CDH13: variants seen among roughly 807,000 people sequenced by gnomAD.
The protein encoded by CDH13 is cadherin-13.
Under a neutral mutation model 63.8 loss-of-function variants are expected in CDH13, and 24 were observed. The ratio of observed to expected loss-of-function variants is 0.38; its 90% CI spans 0.27 to 0.53. The LOEUF (loss-of-function observed/expected upper bound fraction) is 0.53, where lower values mean the gene tolerates loss of function less well. CDH13 is among the 20% of genes least tolerant of loss of function. CDH13 has a pLI of 0.85. For synonymous variants in CDH13, 503 were observed against 355.3 expected, an observed-to-expected ratio of 1.42 and a Z score of -4.67; for missense variants, 1,049 against 903.1, an observed-to-expected ratio of 1.16 and a Z score of -2.07.
chr16:82,995,453 G>A (rs771606720), intron 2 of CDH13, among the ~76,000 whole-genome samples: 9 of 152,110 alleles, frequency 5.9e-5, no homozygotes, highest in Admixed American at 1.3e-4. Flanking sequence ...CAGCTGAAAC[G>A]CAAACGTGGT....
At chr16:83,365,330 C>A (rs905241611) in intron 6 of CDH13, among the ~76,000 whole-genome samples, 6 of 152,266 alleles carry the variant, frequency 3.9e-5, no homozygotes, top group East Asian at 3.9e-4. Context: ...TGTTCAGACC[C>A]GTAAGTGAGT....
intron 10 of CDH13, among the ~76,000 whole-genome samples, chr16:83,698,029 C>T (rs1257285818): frequency 6.6e-6 from 1 of 152,236 alleles, no homozygotes; most frequent in African/African-American, 2.4e-5. Context: ...CTACCTGTCT[C>T]CCCACACTAA....
intron 5 of CDH13, among the ~76,000 whole-genome samples, chr16:83,249,563 A>G (rs949942799): frequency 2.6e-5 from 4 of 152,234 alleles, no homozygotes; most frequent in African/African-American, 4.8e-5. Flanking sequence ...CCATCATTCT[A>G]TCTGTTTTAC....
At chr16:82,876,412 C>A (rs547784548) in intron 2 of CDH13, among the ~76,000 whole-genome samples, 3 of 152,180 alleles carry the variant, frequency 2.0e-5, no homozygotes, top group African/African-American at 7.2e-5. Flanking sequence ...AAAGAACATG[C>A]AACCCACATT....
chr16:83,629,570 T>A (rs1910602835), intron 8 of CDH13, among the ~76,000 whole-genome samples: 1 of 152,234 alleles, frequency 6.6e-6, no homozygotes, highest in Non-Finnish European at 1.5e-5. Context: ...CAAGCCATCA[T>A]CTAAATTCAT....
At chr16:83,432,862 TG>T (rs1414111482) in intron 6 of CDH13, among the ~76,000 whole-genome samples, 1 of 152,192 alleles carries the variant, frequency 6.6e-6, no homozygotes, top group African/African-American at 2.4e-5. Context: ...ACCATAAATG[TG>T]TAGTGTTCAA....
At position 83,288,009 on chromosome 16, in the gene CDH13, G is replaced by A. The variant is rs79500872; in HGVS notation, c.637-56853G>A. On this transcript the variant is annotated intron_variant, in intron 5 of 13. Coordinates refer to ENST00000567109, the MANE Select transcript of CDH13 (RefSeq NM_001257.5). Reference sequence around the variant, plus strand: ...GGCATCAGTATTACTGATTTCTTTCGTTTGACTCAGGCTCCAGTACAGCTT... The same window carrying A: ...GGCATCAGTATTACTGATTTCTTTCATTTGACTCAGGCTCCAGTACAGCTT... 5.3e-3 allele frequency among the ~76,000 whole-genome samples: 800 copies of A among 152,242 alleles called. 10 individuals are homozygous for A. Among genetic ancestry groups the A allele is most frequent in the African/African-American group, 0.018 (756 of 41,534 alleles).
At chr16:83,122,474 C>T (rs531398351) in intron 3 of CDH13, among the ~76,000 whole-genome samples, 1 of 152,212 alleles carries the variant, frequency 6.6e-6, no homozygotes, top group Non-Finnish European at 1.5e-5. Context: ...ACTCCAATAA[C>T]TGAACTTGTG....
At chr16:82,680,906 C>G (rs998373331) in intron 1 of CDH13, among the ~76,000 whole-genome samples, 28 of 152,198 alleles carry the variant, frequency 1.8e-4, no homozygotes, top group African/African-American at 6.5e-4. Context: ...ACACCTTAAA[C>G]TCACTTGCTC....
chr16:83,058,048 A>G (rs994493299), intron 3 of CDH13, among the ~76,000 whole-genome samples: 1 of 152,254 alleles, frequency 6.6e-6, no homozygotes, highest in African/African-American at 2.4e-5. Flanking sequence ...CAAAAGTAAG[A>G]ATATTTACTT....
intron 5 of CDH13, among the ~76,000 whole-genome samples, chr16:83,249,955 A>G (rs1423879856): frequency 6.6e-6 from 1 of 152,240 alleles, no homozygotes; most frequent in African/African-American, 2.4e-5. Flanking sequence ...TTTGACTAAC[A>G]ATCTCCCCAA....
intron 4 of CDH13, among the ~76,000 whole-genome samples, chr16:83,197,066 C>T (rs995392206): frequency 2.6e-5 from 4 of 152,246 alleles, no homozygotes; most frequent in South Asian, 2.1e-4. Flanking sequence ...AATGGTTAAA[C>T]AAACTGTGGT....
chr16:83,262,583 C>G (rs1431566831), intron 5 of CDH13, among the ~76,000 whole-genome samples: 2 of 152,108 alleles, frequency 1.3e-5, no homozygotes, highest in East Asian at 1.9e-4. Flanking sequence ...AGAGAATGTT[C>G]TCATTGGAGT....
intron 7 of CDH13, among the ~76,000 whole-genome samples, chr16:83,494,013 G>A (rs944267121): frequency 2.0e-5 from 3 of 152,148 alleles, no homozygotes; most frequent in African/African-American, 7.2e-5. Context: ...TTCTGTTCTT[G>A]GGCTTCTTAA....
chr16:83,662,093 G>C (rs1187302996), intron 8 of CDH13, among the ~76,000 whole-genome samples: 1 of 152,208 alleles, frequency 6.6e-6, no homozygotes, highest in Non-Finnish European at 1.5e-5. Flanking sequence ...CCAGGATCAA[G>C]AACCACACTA....
At chr16:83,302,764 C>T (rs1202057289) in intron 5 of CDH13, among the ~76,000 whole-genome samples, 4 of 152,188 alleles carry the variant, frequency 2.6e-5, no homozygotes, top group African/African-American at 9.7e-5. Flanking sequence ...CAAGGAGGGA[C>T]ACCAAGCCCA....
At chr16:83,779,598 T>G (rs1000656664) in intron 11 of CDH13, among the ~76,000 whole-genome samples, 1 of 151,924 alleles carries the variant, frequency 6.6e-6, no homozygotes, top group Non-Finnish European at 1.5e-5. Flanking sequence ...TGAGGCAGGA[T>G]GATTGCTTGA....
chr16:83,762,338 G>A (rs1914040486), intron 11 of CDH13, among the ~76,000 whole-genome samples: 1 of 152,082 alleles, frequency 6.6e-6, no homozygotes, highest in Non-Finnish European at 1.5e-5. Context: ...CTCTTTTATG[G>A]AAGACTTCAA....
chr16:83,176,374 G>C (rs1010679955), intron 4 of CDH13, among the ~76,000 whole-genome samples: 1 of 151,856 alleles, frequency 6.6e-6, no homozygotes, highest in Admixed American at 6.6e-5. Context: ...GCCTGGCGTG[G>C]TGGCAGGTGC....
Sources: gnomAD v4.1 joint callset for allele counts (sites outside exome capture counted in the v4.1 genomes callset) on GRCh38, gnomAD v4.1.1 for gene constraint, MANE v1.5 for transcripts, NCBI Gene and HGNC (gene_info 2026-07-23, HGNC 2026-07-21) for gene names.